OPHN1: variants seen among roughly 807,000 people sequenced by gnomAD.
OPHN1 encodes the protein oligophrenin-1.
Under a neutral mutation model 60.7 loss-of-function variants are expected in OPHN1, and 11 were observed. The observed-to-expected ratio is 0.18, with a 90% confidence interval of 0.11 to 0.30. The LOEUF (loss-of-function observed/expected upper bound fraction) is 0.30, where lower values mean the gene tolerates loss of function less well. Among genes scored for constraint, OPHN1 ranks in the 10% least tolerant of loss-of-function variants. The pLI is 1.00. For synonymous variants in OPHN1, 226 were observed against 222.6 expected (o/e 1.02, Z -0.14); for missense variants, 449 against 611.0 (o/e 0.73, Z 2.80).
intron 2 of OPHN1, among the ~76,000 whole-genome samples, chrX:68,400,586 C>T (rs1434294941): frequency 9.4e-6 from 1 of 106,775 alleles, no homozygotes; most frequent in East Asian, 3.0e-4. Context: ...TTTCTTCTCT[C>T]TTTTTTTTCT....
chrX:68,188,641 T>C (rs953493728), intron 15 of OPHN1, among the ~76,000 whole-genome samples: 6 of 112,111 alleles, frequency 5.4e-5, no homozygotes, highest in Non-Finnish European at 7.5e-5. Context: ...AAGATTAACA[T>C]ATAGAGTTCA....
At chrX:68,394,045 G>C (rs1435639611) in intron 2 of OPHN1, among the ~76,000 whole-genome samples, 1 of 103,693 alleles carries the variant, frequency 9.6e-6, no homozygotes, top group African/African-American at 3.4e-5. Flanking sequence ...ACAGGCGCCC[G>C]CTACCACGCC....
At chrX:68,209,210 G>A (rs1457069936) in intron 9 of OPHN1, among the ~76,000 whole-genome samples, 1 of 111,738 alleles carries the variant, frequency 8.9e-6, no homozygotes, top group Non-Finnish European at 1.9e-5. Flanking sequence ...CACACATACA[G>A]GTGTGCATAA....
intron 15 of OPHN1, among the ~76,000 whole-genome samples, chrX:68,140,353 AAG>A (rs2147474820): frequency 8.9e-6 from 1 of 112,297 alleles, no homozygotes; most frequent in East Asian, 2.8e-4. Context: ...ACTATTTTAG[AAG>A]AGTCTATAAT....
chrX:68,245,035 T>G (rs1423518145), intron 5 of OPHN1, among the ~76,000 whole-genome samples: 4 of 111,935 alleles, frequency 3.6e-5, no homozygotes, highest in Non-Finnish European at 7.5e-5. Context: ...CTACTTACAT[T>G]ACCTTAAACA....
At chrX:68,271,362 C>T (rs1405497852) in intron 5 of OPHN1, among the ~76,000 whole-genome samples, 1 of 99,949 alleles carries the variant, frequency 1.0e-5, no homozygotes, top group African/African-American at 3.7e-5. Context: ...CCTATCTCTA[C>T]AGAAATTACA....
chrX:68,332,098 CAG>C (rs2078298282), intron 2 of OPHN1, among the ~76,000 whole-genome samples: 1 of 111,570 alleles, frequency 9.0e-6, no homozygotes, highest in Non-Finnish European at 1.9e-5. Context: ...GCAAACATGA[CAG>C]AATGTTTATC....
intron 6 of OPHN1, among the ~76,000 whole-genome samples, chrX:68,219,981 T>A (rs2077643888): frequency 1.2e-5 from 1 of 86,726 alleles, no homozygotes; most frequent in Non-Finnish European, 2.3e-5. Context: ...AAAAAATTAA[T>A]GAATCCAGGA....
At chrX:68,125,960 T>TACAC (rs111449909) in intron 15 of OPHN1, among the ~76,000 whole-genome samples, 45 of 76,918 alleles carry the variant, frequency 5.9e-4, no homozygotes, top group African/African-American at 1.9e-3. Flanking sequence ...TATATATACA[T>TACAC]ACACACACAC....
At chrX:68,058,100 T>C (rs952119424) in intron 21 of OPHN1, among the ~76,000 whole-genome samples, 4 of 111,871 alleles carry the variant, frequency 3.6e-5, no homozygotes, top group Admixed American at 1.9e-4. Context: ...TAGACCCAGC[T>C]GACTTTTATA....
At chrX:68,313,699 G>C (rs774836005) in intron 2 of OPHN1, among the ~76,000 whole-genome samples, 1 of 111,750 alleles carries the variant, frequency 8.9e-6, no homozygotes, top group South Asian at 3.8e-4. Context: ...AGCTGACAAG[G>C]GTAGTGGGGA....
chrX:68,413,627 C>T (rs1200519224), intron 2 of OPHN1, among the ~76,000 whole-genome samples: 1 of 111,352 alleles, frequency 9.0e-6, no homozygotes, highest in African/African-American at 3.3e-5. Context: ...CTAGATAGGG[C>T]AGGTTCAGTG....
chrX:68,222,086 AAAAC>A (rs1473350828), intron 6 of OPHN1, among the ~76,000 whole-genome samples: 5 of 108,256 alleles, frequency 4.6e-5, no homozygotes, highest in African/African-American at 1.0e-4. Context: ...TTACAAGAAA[AAAAC>A]AAACAACCCC....
intron 2 of OPHN1, among the ~76,000 whole-genome samples, chrX:68,356,983 G>A (rs2078444241): frequency 1.8e-5 from 2 of 111,596 alleles, no homozygotes; most frequent in African/African-American, 6.5e-5. Context: ...GCAGGAATGG[G>A]GGAAAATAAG....
At chrX:68,377,587 C>T (rs867423160) in intron 2 of OPHN1, among the ~76,000 whole-genome samples, 2 of 107,674 alleles carry the variant, frequency 1.9e-5, no homozygotes, top group Admixed American at 1.0e-4. Context: ...CTCCTCCCCC[C>T]ACCCCACAAC....
intron 5 of OPHN1, among the ~76,000 whole-genome samples, chrX:68,254,914 C>T (rs771667146): frequency 9.6e-6 from 1 of 103,795 alleles, no homozygotes; most frequent in South Asian, 4.9e-4. Flanking sequence ...ACTACCTGGG[C>T]GGGGCTGAGG....
At chrX:68,377,625 C>T (rs1041370351) in intron 2 of OPHN1, among the ~76,000 whole-genome samples, 4 of 107,739 alleles carry the variant, frequency 3.7e-5, no homozygotes, top group Non-Finnish European at 7.6e-5. Context: ...GTTCCCCCTC[C>T]TGTGTCCATG....
intron 11 of OPHN1, 152 bp downstream of exon 11, chrX:68,201,467 C>A: frequency 1.2e-5 from 6 of 492,480 alleles, no homozygotes; most frequent in Non-Finnish European, 1.8e-5. Context: ...GGAAGGGCAG[C>A]CAGAAGAGCT....
chrX:68,165,854 G>A (rs994275786), intron 15 of OPHN1, among the ~76,000 whole-genome samples: 3 of 112,317 alleles, frequency 2.7e-5, no homozygotes, highest in African/African-American at 9.7e-5. Context: ...TGTAAACCAG[G>A]CATAAGGAAA....
Sources: gnomAD v4.1 joint callset for allele counts (sites outside exome capture counted in the v4.1 genomes callset) on GRCh38, gnomAD v4.1.1 for gene constraint, MANE v1.5 for transcripts, NCBI Gene and HGNC (gene_info 2026-07-23, HGNC 2026-07-21) for gene names.